The following RANBP2 variants were observed in gnomAD, a reference collection of about 807,000 sequenced individuals.
RANBP2 encodes E3 SUMO-protein ligase RanBP2.
A neutral mutation model predicts 303.6 loss-of-function variants in RANBP2; 57 were observed. The ratio of observed to expected loss-of-function variants is 0.19; its 90% confidence interval spans 0.15 to 0.23. The LOEUF (loss-of-function observed/expected upper bound fraction) is 0.23, where lower values mean the gene tolerates loss of function less well. RANBP2 is among the 10% of genes least tolerant of loss of function. RANBP2 has a pLI of 1.00. For missense variants in RANBP2, 3,138 were observed against 3,780.8 expected (o/e 0.83, Z 4.46); for synonymous variants, 1,167 against 1,301.5 (o/e 0.90, Z 2.23).
rs1482909617 is a variant in RANBP2 at position 108,753,761 on chromosome 2, T to G, written c.2056-64T>G. ...GATTACAGGCATGAGCCACCATGCGTGGCCAAGCTAAAAGTTTTTTGTTTT... is the reference window on the plus strand; with the variant it reads ...GATTACAGGCATGAGCCACCATGCGGGGCCAAGCTAAAAGTTTTTTGTTTT... On this transcript the variant is annotated intron_variant, in intron 14 of 28. Coordinates refer to ENST00000283195, the MANE Select transcript of RANBP2 (RefSeq NM_006267.5). 1.9e-6 allele frequency: 3 copies of G among 1,611,234 alleles called. No individual in the cohort carries two copies. In the African/African-American group the frequency reaches 4.0e-5, roughly 22 times the overall value.
the RANBP2 span, chr2:108,812,635 A>G: frequency 6.2e-7 from 1 of 1,611,452 alleles, no homozygotes; most frequent in Non-Finnish European, 8.5e-7. Flanking sequence ...CTTTAGTTAA[A>G]TGAAGCAAGT....
chr2:108,908,030 A>G, the RANBP2 span: 25 of 1,605,448 alleles, frequency 1.6e-5, no homozygotes, highest in Admixed American at 5.0e-5. Context: ...CTGCAAAAAC[A>G]AGAGCGATGG....
the RANBP2 span, among the ~76,000 whole-genome samples, chr2:109,022,121 G>T: frequency 1.3e-5 from 2 of 152,244 alleles, no homozygotes; most frequent in Non-Finnish European, 2.9e-5. Flanking sequence ...CCGCACCTAG[G>T]GTGCGCCACA....
At chr2:109,037,112 G>A in the RANBP2 span, among the ~76,000 whole-genome samples, 2 of 152,042 alleles carry the variant, frequency 1.3e-5, no homozygotes, top group East Asian at 3.9e-4. Flanking sequence ...TCATGCTGCT[G>A]CACTCTAGCC....
the RANBP2 span, among the ~76,000 whole-genome samples, chr2:109,379,768 C>T: frequency 6.6e-6 from 1 of 152,098 alleles, no homozygotes; most frequent in Non-Finnish European, 1.5e-5. Flanking sequence ...TTGTAAAGCC[C>T]TCCTGCAGGT....
the RANBP2 span, among the ~76,000 whole-genome samples, chr2:109,564,048 C>T: frequency 2.4e-4 from 36 of 152,274 alleles, no homozygotes; most frequent in African/African-American, 7.2e-4. Context: ...CAGATAAATA[C>T]AAAAAGAAAT....
the RANBP2 span, among the ~76,000 whole-genome samples, chr2:109,223,643 G>A: frequency 6.6e-6 from 1 of 152,098 alleles, no homozygotes; most frequent in Non-Finnish European, 1.5e-5. Flanking sequence ...TCCCTGGGTA[G>A]CCCTGCACCT....
At position 108,763,290 on chromosome 2, in the gene RANBP2, T is replaced by C. The variant is rs140567791; in HGVS notation, c.2751T>C (p.Tyr917=). The C allele has an allele frequency of 3.5e-5, 56 of 1,613,852 alleles. No individual in the cohort carries two copies. In the African/African-American group the frequency reaches 6.7e-4, roughly 19 times the overall value. Residue 917 remains tyrosine, a synonymous_variant, in exon 20 of 29, where the codon TAT becomes TAC. Transcript: ENST00000283195. ...CACCCCAACAGCATATTTATGCCTA[T>C]CCGCAACAGATGCACACACCGCCAG... The part of the protein sequence containing the change: ...RLPPQQHIYA[Y]PQQMHTPPVQ...
At chr2:109,730,576 C>T in the RANBP2 span, among the ~76,000 whole-genome samples, 1 of 152,046 alleles carries the variant, frequency 6.6e-6, no homozygotes, top group Non-Finnish European at 1.5e-5. Context: ...CTTAGTTCAG[C>T]CTGCTATAAC....
the RANBP2 span, among the ~76,000 whole-genome samples, chr2:109,456,871 G>T: frequency 6.6e-6 from 1 of 152,204 alleles, no homozygotes; most frequent in African/African-American, 2.4e-5. Flanking sequence ...CTTCTGGGGA[G>T]AATAGCCTAG....
At chr2:109,595,842 G>T in the RANBP2 span, among the ~76,000 whole-genome samples, 2 of 152,154 alleles carry the variant, frequency 1.3e-5, no homozygotes, top group East Asian at 1.9e-4. Flanking sequence ...CTGGCTAGGG[G>T]CCCTGGTCAG....
the RANBP2 span, among the ~76,000 whole-genome samples, chr2:108,991,069 A>G: frequency 5.4e-4 from 83 of 152,384 alleles, no homozygotes; most frequent in African/African-American, 1.9e-3. Flanking sequence ...AAGAGAGAGA[A>G]AAAAGACACA....
chr2:109,726,341 CG>C, the RANBP2 span, among the ~76,000 whole-genome samples: 1 of 151,920 alleles, frequency 6.6e-6, no homozygotes, highest in African/African-American at 2.4e-5. Context: ...ACTCTGGAGG[CG>C]GAGGTTGCAG....
At chr2:109,307,801 A>G in the RANBP2 span, among the ~76,000 whole-genome samples, 4 of 145,336 alleles carry the variant, frequency 2.8e-5, no homozygotes, top group Non-Finnish European at 6.0e-5. Context: ...TATGTGCCAC[A>G]TTTTCTTAAT....
At chr2:109,647,195 C>T in the RANBP2 span, among the ~76,000 whole-genome samples, 24 of 121,602 alleles carry the variant, frequency 2.0e-4, no homozygotes, top group Admixed American at 2.4e-3. Flanking sequence ...GATGGAATCT[C>T]GCTCTGTCGT....
Position 108,768,001 on chromosome 2 carries a change from G to A in RANBP2, c.7462G>A (p.Val2488Ile), listed in dbSNP as rs760616302. 1.9e-5 allele frequency: 30 copies of A among 1,612,050 alleles called. No individual in the cohort carries two copies. The highest frequency in any genetic ancestry group is 2.1e-5 in the Non-Finnish European group (25 of 1,179,864). The change falls in exon 20 of 29, where the codon GTA becomes ATA. Residue 2488 changes from valine (V) to isoleucine (I), a missense_variant. Val to Ile is a conservative substitution (Grantham distance 29). Coordinates refer to ENST00000283195, the MANE Select transcript of RANBP2 (RefSeq NM_006267.5). ...GACAGATGTTATTCAGGGTGATGAT[G>A]TAGCAGATGCAACTTCAGAAGTTGA... ...ERTDVIQGDD[V>I]ADATSEVEVS...
At chr2:109,730,094 T>C in the RANBP2 span, among the ~76,000 whole-genome samples, 1 of 152,142 alleles carries the variant, frequency 6.6e-6, no homozygotes, top group South Asian at 2.1e-4. Context: ...CCTCAACACA[T>C]GGGGATTACA....
At chr2:109,143,010 A>G in the RANBP2 span, among the ~76,000 whole-genome samples, 1 of 152,192 alleles carries the variant, frequency 6.6e-6, no homozygotes, top group Non-Finnish European at 1.5e-5. Flanking sequence ...ATTTGGCACT[A>G]GAGATGAGGA....
chr2:109,290,366 G>A, the RANBP2 span, among the ~76,000 whole-genome samples: 20 of 152,316 alleles, frequency 1.3e-4, no homozygotes, highest in East Asian at 9.7e-4. Flanking sequence ...AAATTAGTGT[G>A]ATCAGGGATG....
Sources: gnomAD v4.1 joint callset for allele counts (sites outside exome capture counted in the v4.1 genomes callset) on GRCh38, gnomAD v4.1.1 for gene constraint, MANE v1.5 for transcripts, NCBI Gene and HGNC (gene_info 2026-07-23, HGNC 2026-07-21) for gene names.